Variants in CRPPA observed in about 807,000 individuals in gnomAD.
The protein encoded by CRPPA is CDP-L-ribitol pyrophosphorylase A.
CRPPA carries 43 observed loss-of-function variants against 52.0 expected under a neutral mutation model. The ratio of observed to expected loss-of-function variants is 0.83; its 90% CI spans 0.65 to 1.07. The LOEUF (loss-of-function observed/expected upper bound fraction) is 1.07. Ranked by LOEUF, CRPPA falls within the 50% of genes least tolerant of loss-of-function variation. The pLI is 0.00. For missense variants in CRPPA, 629 were observed against 551.7 expected (o/e 1.14, Z -1.40); for synonymous variants, 250 against 203.5 (o/e 1.23, Z -1.94).
intron 3 of CRPPA, among the ~76,000 whole-genome samples, chr7:16,358,885 T>C (rs1268668693): frequency 2.0e-5 from 3 of 152,220 alleles, no homozygotes; most frequent in Admixed American, 6.5e-5. Flanking sequence ...CATCAAGTTT[T>C]TTCAAGATAT....
At chr7:16,221,054 G>T (rs1230001238) in intron 8 of CRPPA, among the ~76,000 whole-genome samples, 1 of 152,050 alleles carries the variant, frequency 6.6e-6, no homozygotes, top group African/African-American at 2.4e-5. Flanking sequence ...ATACTACAAG[G>T]CTACAGTAAC....
intron 2 of CRPPA, among the ~76,000 whole-genome samples, chr7:16,386,519 A>G (rs1357522976): frequency 2.0e-5 from 3 of 152,300 alleles, no homozygotes; most frequent in East Asian, 1.9e-4. Context: ...TCCTATCTGT[A>G]TAAATTATAT....
At chr7:16,210,310 C>G (rs144568692) in intron 9 of CRPPA, among the ~76,000 whole-genome samples, 1 of 152,154 alleles carries the variant, frequency 6.6e-6, no homozygotes, top group Non-Finnish European at 1.5e-5. Flanking sequence ...GTGTGGTAGG[C>G]AGCATTTGAT....
At chr7:16,161,892 T>C (rs373966831) in intron 9 of CRPPA, among the ~76,000 whole-genome samples, 3 of 152,154 alleles carry the variant, frequency 2.0e-5, no homozygotes, top group Non-Finnish European at 4.4e-5. Context: ...AGGGATTCAA[T>C]TTCTTCCTGG....
intron 2 of CRPPA, among the ~76,000 whole-genome samples, chr7:16,389,934 T>A (rs865783612): frequency 0.045 from 2,568 of 57,086 alleles, 31 homozygotes; most frequent in African/African-American, 0.096. Context: ...AAAAAATATA[T>A]ATATATATAT....
chr7:16,411,040 A>T (rs1248184133), intron 1 of CRPPA, among the ~76,000 whole-genome samples: 2 of 152,200 alleles, frequency 1.3e-5, no homozygotes, highest in Non-Finnish European at 2.9e-5. Context: ...GAAAGCAAAA[A>T]CTATGTCCCA....
chr7:16,170,669 G>C (rs1781161987), intron 9 of CRPPA, among the ~76,000 whole-genome samples: 2 of 152,206 alleles, frequency 1.3e-5, no homozygotes, highest in Non-Finnish European at 2.9e-5. Flanking sequence ...GCGGGGGAGA[G>C]AGGGAGCAGG....
chr7:16,142,894 T>C (rs1782900868), intron 9 of CRPPA, among the ~76,000 whole-genome samples: 1 of 152,132 alleles, frequency 6.6e-6, no homozygotes, highest in Non-Finnish European at 1.5e-5. Context: ...GTAATAACAA[T>C]TCACCAAGAT....
intron 8 of CRPPA, among the ~76,000 whole-genome samples, chr7:16,234,532 T>C (rs968230998): frequency 6.6e-6 from 1 of 152,172 alleles, no homozygotes. Flanking sequence ...TTTAAACTTA[T>C]ATACTGTAAA....
chr7:16,151,460 G>T (rs1446323132), intron 9 of CRPPA, among the ~76,000 whole-genome samples: 1 of 152,184 alleles, frequency 6.6e-6, no homozygotes, highest in African/African-American at 2.4e-5. Context: ...TCACAGAGGA[G>T]CAGAAATACT....
chr7:16,287,845 C>A (rs1562609754), intron 5 of CRPPA, among the ~76,000 whole-genome samples: 2 of 143,632 alleles, frequency 1.4e-5, no homozygotes. Flanking sequence ...TCACTTGAAC[C>A]TGGGAAGCAG....
At chr7:16,125,121 A>T (rs1782551088) in intron 9 of CRPPA, among the ~76,000 whole-genome samples, 1 of 151,528 alleles carries the variant, frequency 6.6e-6, no homozygotes, top group Admixed American at 6.6e-5. Context: ...TTAGCCAGGC[A>T]TGGTGGCGCA....
At chr7:16,092,180 G>T (rs918160108) in intron 9 of CRPPA, among the ~76,000 whole-genome samples, 4 of 152,098 alleles carry the variant, frequency 2.6e-5, no homozygotes, top group Non-Finnish European at 4.4e-5. Context: ...ACTTTGTTAT[G>T]AACTGTTTGT....
intron 5 of CRPPA, among the ~76,000 whole-genome samples, chr7:16,293,887 T>C (rs1462735843): frequency 6.6e-6 from 1 of 152,024 alleles, no homozygotes; most frequent in Non-Finnish European, 1.5e-5. Context: ...CTCCGGCACA[T>C]GTTTTTACAT....
chr7:16,296,702 A>G (rs1288019192), intron 5 of CRPPA, among the ~76,000 whole-genome samples: 2 of 151,722 alleles, frequency 1.3e-5, no homozygotes, highest in Non-Finnish European at 2.9e-5. Context: ...ACTAACAACA[A>G]CAGAAAAAAA....
intron 3 of CRPPA, among the ~76,000 whole-genome samples, chr7:16,351,044 G>C (rs372444507): frequency 1.6e-4 from 25 of 152,138 alleles, no homozygotes; most frequent in Admixed American, 9.2e-4. Context: ...CATCAAAAAG[G>C]ATATAACAAT....
chr7:16,190,504 T>C (rs13236134), intron 9 of CRPPA, among the ~76,000 whole-genome samples: 1 of 152,140 alleles, frequency 6.6e-6, no homozygotes, highest in Non-Finnish European at 1.5e-5. Context: ...TAACTGAAAA[T>C]AAAAAGTAAT....
chr7:16,348,791 G>T (rs1786077982), intron 3 of CRPPA, among the ~76,000 whole-genome samples: 1 of 152,118 alleles, frequency 6.6e-6, no homozygotes, highest in Non-Finnish European at 1.5e-5. Context: ...CTTTCCTCTG[G>T]TTCACCCCAG....
intron 9 of CRPPA, among the ~76,000 whole-genome samples, chr7:16,115,968 G>A (rs1782363196): frequency 2.0e-5 from 3 of 152,046 alleles, no homozygotes. Flanking sequence ...AAAGAATGAT[G>A]GGAATAAAAA....
Sources: allele counts gnomAD v4.1 joint callset (sites outside exome capture counted in the v4.1 genomes callset), GRCh38; gene constraint gnomAD v4.1.1; transcripts MANE v1.5; gene names NCBI Gene and HGNC (gene_info 2026-07-23, HGNC 2026-07-21).